Variants in PLD5 observed in about 807,000 individuals in gnomAD.
The protein encoded by PLD5 is inactive phospholipase D5.
In PLD5, 36 loss-of-function variants were observed where a neutral mutation model predicts 61.1. The ratio of observed to expected loss-of-function variants is 0.59; its 90% CI spans 0.45 to 0.78. The LOEUF (loss-of-function observed/expected upper bound fraction) is 0.78. Ranked by LOEUF, PLD5 falls within the 30% of genes least tolerant of loss-of-function variation. PLD5 has a pLI of 0.00. For missense variants in PLD5, 515 were observed against 644.4 expected, an observed-to-expected ratio of 0.80 and a Z score of 2.17; for synonymous variants, 243 against 242.8, an observed-to-expected ratio of 1.00 and a Z score of -0.01.
intron 8 of PLD5, among the ~76,000 whole-genome samples, chr1:242,103,966 G>A (rs1307440351): frequency 6.6e-6 from 1 of 152,110 alleles, no homozygotes; most frequent in Non-Finnish European, 1.5e-5. Flanking sequence ...AAATTTTTAT[G>A]TATTTAAATT....
intron 1 of PLD5, among the ~76,000 whole-genome samples, chr1:242,395,392 G>A (rs1013345601): frequency 4.6e-5 from 7 of 152,004 alleles, no homozygotes; most frequent in Non-Finnish European, 1.0e-4. Flanking sequence ...ACTACAGTTT[G>A]GCTATAGACA....
chr1:242,486,583 A>G (rs954228064), intron 1 of PLD5, among the ~76,000 whole-genome samples: 7 of 152,242 alleles, frequency 4.6e-5, no homozygotes, highest in African/African-American at 1.7e-4. Context: ...GAGGATGTGG[A>G]GAAATAGGAA....
chr1:242,125,332 T>C (rs1036027137), intron 5 of PLD5, among the ~76,000 whole-genome samples: 3 of 152,134 alleles, frequency 2.0e-5, no homozygotes, highest in African/African-American at 7.2e-5. Context: ...ACCAATAGCA[T>C]CTTAAAAGAC....
intron 6 of PLD5, among the ~76,000 whole-genome samples, chr1:242,119,922 A>G (rs1272966460): frequency 6.6e-6 from 1 of 152,228 alleles, no homozygotes; most frequent in Non-Finnish European, 1.5e-5. Context: ...GTAGTAGTAC[A>G]AATGCCCATC....
At chr1:242,449,451 G>A (rs1666692992) in intron 1 of PLD5, 2 of 1,534,994 alleles carry the variant, frequency 1.3e-6, no homozygotes, top group South Asian at 1.2e-5. Flanking sequence ...TTCAGAGGCA[G>A]AGAATGTTTC....
intron 2 of PLD5, among the ~76,000 whole-genome samples, chr1:242,325,578 A>G (rs1190181349): frequency 6.6e-6 from 1 of 151,878 alleles, no homozygotes. Context: ...GCTCACTTCA[A>G]CCTCCGCCTG....
rs949778585 is a variant in PLD5, at chr1:242,089,623, T to A, written c.*231A>T. On this transcript the variant is annotated 3_prime_UTR_variant, in exon 10 of 10. Transcript: ENST00000536534. ...TTGTATGCAAACGTAAAAACTAACTTCTACGCCAGAATGACATTCTCTGTC... is the reference window on the plus strand; with the variant it reads ...TTGTATGCAAACGTAAAAACTAACTACTACGCCAGAATGACATTCTCTGTC... 1 of 590,522 alleles carries A rather than the reference T, an allele frequency of 1.7e-6. No homozygotes were observed. The highest frequency in any genetic ancestry group is 2.9e-6 in the Non-Finnish European group (1 of 347,116). 36.6% of individuals were successfully genotyped at this position (590,522 alleles called of 1,614,324 possible).
At chr1:242,463,932 A>G (rs1324588952) in intron 1 of PLD5, among the ~76,000 whole-genome samples, 2 of 151,948 alleles carry the variant, frequency 1.3e-5, no homozygotes, top group Non-Finnish European at 2.9e-5. Flanking sequence ...CTGTGTGACG[A>G]TATCTGGAAA....
chr1:242,207,844 A>T (rs1313055932), intron 5 of PLD5, among the ~76,000 whole-genome samples: 15 of 22,048 alleles, frequency 6.8e-4, no homozygotes, highest in African/African-American at 1.0e-3. Context: ...TTATATATTT[A>T]TATATATTTA....
chr1:242,458,504 T>G (rs1464734655), intron 1 of PLD5, among the ~76,000 whole-genome samples: 1 of 152,246 alleles, frequency 6.6e-6, no homozygotes, highest in Non-Finnish European at 1.5e-5. Context: ...TGTTCCCCAC[T>G]TAGGACCTGA....
chr1:242,175,290 G>T (rs918121499), intron 5 of PLD5, among the ~76,000 whole-genome samples: 1 of 152,174 alleles, frequency 6.6e-6, no homozygotes, highest in East Asian at 1.9e-4. Context: ...TGCATGGCTG[G>T]TTCAACATAT....
intron 1 of PLD5, among the ~76,000 whole-genome samples, chr1:242,435,717 T>A (rs568594606): frequency 6.6e-6 from 1 of 152,296 alleles, no homozygotes; most frequent in South Asian, 2.1e-4. Flanking sequence ...AAAAGAGCAA[T>A]GGGTGAGCAT....
intron 4 of PLD5, among the ~76,000 whole-genome samples, chr1:242,234,755 C>G (rs1457724697): frequency 6.6e-6 from 1 of 152,092 alleles, no homozygotes; most frequent in Non-Finnish European, 1.5e-5. Flanking sequence ...TGGTTTCTTC[C>G]TTTCTCAGTC....
At chr1:242,161,829 A>G (rs1161296589) in intron 5 of PLD5, among the ~76,000 whole-genome samples, 1 of 152,204 alleles carries the variant, frequency 6.6e-6, no homozygotes, top group East Asian at 1.9e-4. Flanking sequence ...TTCTCAATCA[A>G]GACAGGGAAC....
chr1:242,493,321 G>A (rs988704390), intron 1 of PLD5, among the ~76,000 whole-genome samples: 2 of 152,110 alleles, frequency 1.3e-5, no homozygotes, highest in African/African-American at 2.4e-5. Flanking sequence ...GAAGGGGTTG[G>A]CCCACAAGCT....
intron 5 of PLD5, among the ~76,000 whole-genome samples, chr1:242,192,667 T>TA (rs1460685005): frequency 1.8e-4 from 28 of 152,230 alleles, no homozygotes; most frequent in Admixed American, 1.4e-3. Context: ...CTAGATCATG[T>TA]AACACGGACA....
intron 1 of PLD5, among the ~76,000 whole-genome samples, chr1:242,442,153 C>T (rs1169072169): frequency 6.6e-6 from 1 of 152,198 alleles, no homozygotes; most frequent in African/African-American, 2.4e-5. Flanking sequence ...TTAAAAAATA[C>T]CTTGGCCGAT....
chr1:242,502,798 C>T (rs12143880), intron 1 of PLD5, among the ~76,000 whole-genome samples: 7,325 of 151,976 alleles, frequency 0.048, 243 homozygotes, highest in Non-Finnish European at 0.073. Flanking sequence ...CAGTGGCTCA[C>T]GCCTGTAATC....
chr1:242,397,506 A>G (rs1663661657), intron 1 of PLD5, among the ~76,000 whole-genome samples: 2 of 121,208 alleles, frequency 1.7e-5, no homozygotes, highest in Admixed American at 1.7e-4. Context: ...GAACCTGTTG[A>G]TAGATTAAAA....
Sources: gnomAD v4.1 joint callset for allele counts (sites outside exome capture counted in the v4.1 genomes callset) on GRCh38, gnomAD v4.1.1 for gene constraint, MANE v1.5 for transcripts, NCBI Gene and HGNC (gene_info 2026-07-23, HGNC 2026-07-21) for gene names.